The following SDHA variants were observed in gnomAD, a reference collection of about 807,000 sequenced individuals.
The protein encoded by SDHA is succinate dehydrogenase complex flavoprotein subunit A.
SDHA carries 48 observed loss-of-function variants against 78.4 expected under a neutral mutation model. That is an observed-to-expected ratio of 0.61 (90% CI 0.49 to 0.78). The LOEUF (loss-of-function observed/expected upper bound fraction) is 0.78, where lower values mean the gene tolerates loss of function less well. Ranked by LOEUF, SDHA falls within the 30% of genes least tolerant of loss-of-function variation. The pLI is 0.00. For synonymous variants in SDHA, 326 were observed against 353.9 expected, an observed-to-expected ratio of 0.92 and a Z score of 0.88; for missense variants, 680 against 892.7, an observed-to-expected ratio of 0.76 and a Z score of 3.04.
chr5:262,318 GTC>G, the SDHA span, among the ~76,000 whole-genome samples: 46 of 109,270 alleles, frequency 4.2e-4, 6 homozygotes, highest in African/African-American at 1.1e-3. Context: ...TCCGCCTCCC[GTC>G]AGAGCATTAC....
chr5:226,355 G>A (rs1187132207), intron 5 of SDHA, among the ~76,000 whole-genome samples: 1 of 152,210 alleles, frequency 6.6e-6, no homozygotes, highest in African/African-American at 2.4e-5. Context: ...AAGCAGGCCA[G>A]GCACAGTGGC....
chr5:267,001 C>T, the SDHA span, among the ~76,000 whole-genome samples: 1 of 152,032 alleles, frequency 6.6e-6, no homozygotes, highest in Non-Finnish European at 1.5e-5. Context: ...AGTGCAGCTA[C>T]AGAATGATGC....
At chr5:248,312 G>A (rs1241971194) in intron 11 of SDHA, among the ~76,000 whole-genome samples, 1 of 152,158 alleles carries the variant, frequency 6.6e-6, no homozygotes, top group African/African-American at 2.4e-5. Flanking sequence ...AGCAACACCC[G>A]TCGAACACAG....
intron 5 of SDHA, among the ~76,000 whole-genome samples, chr5:227,266 T>G (rs1430840197): frequency 6.6e-6 from 1 of 152,208 alleles, no homozygotes; most frequent in Non-Finnish European, 1.5e-5. Flanking sequence ...TGCCTTGGCC[T>G]CCGAAAGTGC....
chr5:240,889 T>C (rs1736097213), intron 11 of SDHA, among the ~76,000 whole-genome samples: 1 of 152,108 alleles, frequency 6.6e-6, no homozygotes, highest in Non-Finnish European at 1.5e-5. Flanking sequence ...TTTCATGGTA[T>C]ATATGTACCA....
chr5:233,390 C>T (rs189839414), intron 7 of SDHA, 87 bp from the exon 8 acceptor site: 24 of 1,418,876 alleles, frequency 1.7e-5, no homozygotes, highest in African/African-American at 2.8e-5. Context: ...TTTCCTCTTT[C>T]CCCCAAAAAA....
chr5:234,849 C>G (rs1381602943), intron 8 of SDHA: 23 of 459,632 alleles, frequency 5.0e-5, no homozygotes, highest in Admixed American at 6.8e-5. Context: ...GCATAGAGGC[C>G]TTTCTAATGC....
At chr5:234,894 C>T (rs1735667592) in intron 8 of SDHA, 2 of 552,162 alleles carry the variant, frequency 3.6e-6, no homozygotes, top group Non-Finnish European at 6.6e-6. Context: ...GCTGTGATCC[C>T]TGAGACGAGC....
chr5:225,741 CTT>C (rs1260918499), intron 4 of SDHA, 140 bp from the exon 5 acceptor site: 3 of 1,359,650 alleles, frequency 2.2e-6, no homozygotes, highest in Non-Finnish European at 3.1e-6. Context: ...GAAAACTTCT[CTT>C]TGATGAAGTG....
At chr5:231,022 G>T (rs369305707) in intron 7 of SDHA, 22 bp downstream of exon 7, 1 of 1,613,660 alleles carries the variant, frequency 6.2e-7, no homozygotes, top group Admixed American at 1.7e-5. Context: ...CGCCTTGCCC[G>T]GCAGGTGTTT....
intron 8 of SDHA, chr5:233,898 T>C (rs547155848): frequency 5.4e-4 from 251 of 464,762 alleles, no homozygotes; most frequent in Middle Eastern, 2.6e-3. Flanking sequence ...TGACGGAGTA[T>C]GGGAGAGAGA....
intron 9 of SDHA, chr5:235,934 G>C (rs927527336): frequency 1.7e-5 from 4 of 240,674 alleles, no homozygotes; most frequent in Non-Finnish European, 3.3e-5. Flanking sequence ...CTCAGGGGCA[G>C]AGGGGAAACT....
At chr5:254,532 C>T in intron 14 of SDHA, 26 bp downstream of exon 14, 1 of 1,531,112 alleles carries the variant, frequency 6.5e-7, no homozygotes, top group East Asian at 2.5e-5. Context: ...GTTCTCACCA[C>T]AGCCCAGCAC....
chr5:242,038 G>T (rs1736172909), intron 11 of SDHA, among the ~76,000 whole-genome samples: 1 of 152,214 alleles, frequency 6.6e-6, no homozygotes. Flanking sequence ...GGTGTGTCTT[G>T]GTGCCTGCTG....
At chr5:243,471 G>A (rs1438801754) in intron 11 of SDHA, among the ~76,000 whole-genome samples, 2 of 152,296 alleles carry the variant, frequency 1.3e-5, no homozygotes, top group African/African-American at 2.4e-5. Context: ...ACCAGCTTTT[G>A]GGGGTCGGCA....
Position 251,793 on chromosome 5 carries a change from G to C in SDHA, c.1794+325G>C. 4 of 1,279,084 alleles carry C rather than the reference G, an allele frequency of 3.1e-6. No individual in the cohort carries two copies. The Admixed American group carries it at 1.0e-4, about 33-fold the overall frequency. The allele number at this position is 1,279,084 out of a possible 1,614,324, so 79.2% of individuals were successfully genotyped here. A position where few individuals can be genotyped will look rare whatever the true frequency, so the allele number is the denominator to read the frequency against. On this transcript the variant is annotated intron_variant, in intron 13 of 14. Coordinates refer to ENST00000264932, the MANE Select transcript of SDHA (RefSeq NM_004168.4). ...TAAATGCCAGTTTATTAAATAACGA[G>C]TAAGCCATCATTTCAAGCCTGCCCT...
intron 11 of SDHA, 73 bp downstream of exon 11, chr5:240,549 A>T: frequency 2.1e-6 from 2 of 969,248 alleles, no homozygotes; most frequent in Non-Finnish European, 3.3e-6. Flanking sequence ...TTGTTTTTTA[A>T]AAACTAGATC....
At chr5:240,046 G>T (rs1329204837) in intron 10 of SDHA, among the ~76,000 whole-genome samples, 1 of 152,206 alleles carries the variant, frequency 6.6e-6, no homozygotes, top group African/African-American at 2.4e-5. Flanking sequence ...TGGGATTACA[G>T]GCGTGAGCCA....
the SDHA span, among the ~76,000 whole-genome samples, chr5:264,608 A>G: frequency 6.6e-6 from 1 of 152,194 alleles, no homozygotes; most frequent in South Asian, 2.1e-4. Flanking sequence ...GTCAGAATCA[A>G]GTTTGAGTCT....
Sources: gnomAD v4.1 joint callset for allele counts (sites outside exome capture counted in the v4.1 genomes callset) on GRCh38, gnomAD v4.1.1 for gene constraint, MANE v1.5 for transcripts, NCBI Gene and HGNC (gene_info 2026-07-23, HGNC 2026-07-21) for gene names.